Variants in IQCK observed in about 807,000 individuals in gnomAD.
IQCK encodes the protein IQ motif containing K.
Under a neutral mutation model 28.1 loss-of-function variants are expected in IQCK, and 29 were observed. That is an observed-to-expected ratio of 1.03 (90% CI 0.77 to 1.41). IQCK has a LOEUF of 1.41. Among genes scored for constraint, IQCK ranks in the 40% most tolerant of loss-of-function variants. IQCK has a pLI of 0.00. For missense variants in IQCK, 359 were observed against 314.7 expected (o/e 1.14, Z -1.07); for synonymous variants, 113 against 115.1 (o/e 0.98, Z 0.12).
intron 7 of IQCK, among the ~76,000 whole-genome samples, chr16:19,826,252 C>A (rs1194360602): frequency 6.6e-6 from 1 of 152,204 alleles, no homozygotes; most frequent in Non-Finnish European, 1.5e-5. Context: ...GAGCAATCCT[C>A]CTGCCTTGGC....
At chr16:19,797,613 CAAAA>C (rs61289661) in intron 7 of IQCK, among the ~76,000 whole-genome samples, 1 of 45,710 alleles carries the variant, frequency 2.2e-5, no homozygotes, top group Non-Finnish European at 4.4e-5. Flanking sequence ...TGAGGCCTTG[CAAAA>C]AAAAAAAAAA....
chr16:19,724,678 G>A (rs901951983), intron 1 of IQCK, among the ~76,000 whole-genome samples: 6 of 151,958 alleles, frequency 3.9e-5, no homozygotes, highest in African/African-American at 9.7e-5. Flanking sequence ...ACAGGTGCCC[G>A]CCACCACACC....
chr16:19,733,716 A>G (rs1392557209), exon 3 of IQCK: 3 of 1,614,036 alleles, frequency 1.9e-6, no homozygotes, highest in African/African-American at 1.3e-5. Context: ...AGTAGAGGAA[A>G]TGCTTTTTCA....
At chr16:19,846,696 C>G (rs149562624) in intron 9 of IQCK, among the ~76,000 whole-genome samples, 22 of 152,274 alleles carry the variant, frequency 1.4e-4, no homozygotes, top group African/African-American at 5.3e-4. Flanking sequence ...CTGGTACTGT[C>G]AAGAAATGGA....
rs1004406836 is a variant in IQCK at position 19,749,643 on chromosome 16, G to A, written c.474+14193G>A. Among the ~76,000 whole-genome samples the A allele has an allele frequency of 6.6e-5, 10 of 152,226 alleles. No homozygotes were observed. The East Asian group carries it at 1.2e-3, about 18-fold the overall frequency. On this transcript the variant is annotated intron_variant, in intron 4 of 7. Coordinates refer to ENST00000564186, the Ensembl canonical transcript of IQCK. ...TTGCTGGGCACCATGGTGTGCGCCT[G>A]TAGTCCCAGGTACTCAGAAGGCTGA...
At chr16:19,833,091 G>T (rs544297235) in intron 9 of IQCK, among the ~76,000 whole-genome samples, 1 of 152,284 alleles carries the variant, frequency 6.6e-6, no homozygotes, top group East Asian at 1.9e-4. Flanking sequence ...TACGATTTGT[G>T]TGTGTGTATG....
chr16:19,851,282 G>T (rs915618446), intron 9 of IQCK, among the ~76,000 whole-genome samples: 1 of 152,144 alleles, frequency 6.6e-6, no homozygotes. Flanking sequence ...CACTGAGGGG[G>T]AGGGGATACT....
intron 2 of IQCK, among the ~76,000 whole-genome samples, chr16:19,731,108 G>C (rs918171636): frequency 6.6e-6 from 1 of 152,182 alleles, no homozygotes; most frequent in Non-Finnish European, 1.5e-5. Flanking sequence ...TCCTGGATGA[G>C]AAGAGCCTTT....
At position 19,746,609 on chromosome 16, in the gene IQCK, A is replaced by G. The variant is rs199718144; in HGVS notation, c.474+11159A>G. On this transcript the variant is annotated intron_variant, in intron 4 of 7. Coordinates refer to ENST00000564186, the Ensembl canonical transcript of IQCK. ...TAGTCAAGTTTCTTTTTTATTTTTA[A>G]CAAAAGAGCATTGATCACTTCATTT... 3.3e-5 allele frequency among the ~76,000 whole-genome samples: 5 copies of G among 152,344 alleles called. No individual in the cohort carries two copies. In the East Asian group the frequency reaches 7.7e-4, roughly 23 times the overall value.
chr16:19,792,615 A>G (rs1459009835), intron 7 of IQCK, among the ~76,000 whole-genome samples: 1 of 82,440 alleles, frequency 1.2e-5, no homozygotes, highest in Non-Finnish European at 1.9e-5. Context: ...CTTGTTGCCC[A>G]TGCTGGAGTG....
At chr16:19,738,134 A>G (rs978000485) in intron 4 of IQCK, among the ~76,000 whole-genome samples, 15 of 152,322 alleles carry the variant, frequency 9.8e-5, no homozygotes, top group Admixed American at 4.6e-4. Context: ...ATTTATTTTT[A>G]TATCTTTAGT....
chr16:19,775,898 T>TC (rs1491048846), intron 6 of IQCK, among the ~76,000 whole-genome samples: 38 of 113,088 alleles, frequency 3.4e-4, no homozygotes, highest in Non-Finnish European at 4.2e-4. Context: ...TTTTTTTTTT[T>TC]TGAGAAGGAG....
chr16:19,750,730 G>A (rs1268849626), intron 4 of IQCK, among the ~76,000 whole-genome samples: 8 of 152,098 alleles, frequency 5.3e-5, no homozygotes, highest in Non-Finnish European at 7.4e-5. Flanking sequence ...CCAAAGTGCC[G>A]GGATTACAGA....
At chr16:19,753,136 T>G (rs1472282949) in intron 4 of IQCK, among the ~76,000 whole-genome samples, 1 of 151,872 alleles carries the variant, frequency 6.6e-6, no homozygotes, top group Admixed American at 6.6e-5. Context: ...TAATTTGGGC[T>G]GGGCATAGTG....
chr16:19,804,460 C>T (rs2055807348), intron 7 of IQCK, among the ~76,000 whole-genome samples: 2 of 151,854 alleles, frequency 1.3e-5, no homozygotes, highest in South Asian at 4.1e-4. Flanking sequence ...TATTTTGAGA[C>T]AGGGTCTCAC....
chr16:19,738,702 A>G (rs369355500), intron 4 of IQCK, among the ~76,000 whole-genome samples: 31 of 152,314 alleles, frequency 2.0e-4, no homozygotes, highest in African/African-American at 6.7e-4. Flanking sequence ...GAAGAACTCA[A>G]TACATGTTAA....
intron 6 of IQCK, among the ~76,000 whole-genome samples, chr16:19,770,002 G>A (rs976975085): frequency 3.3e-5 from 5 of 152,164 alleles, no homozygotes; most frequent in Non-Finnish European, 7.3e-5. Context: ...CCAGCGAGAA[G>A]AGCAAGTGCA....
At chr16:19,838,632 C>T (rs2056326391) in intron 9 of IQCK, among the ~76,000 whole-genome samples, 1 of 152,284 alleles carries the variant, frequency 6.6e-6, no homozygotes, top group South Asian at 2.1e-4. Flanking sequence ...GATCCGCAAT[C>T]CTCATAGCAG....
chr16:19,771,954 A>G lies in IQCK; in HGVS notation c.605+7842A>G, dbSNP rs542422997. 2.6e-5 allele frequency among the ~76,000 whole-genome samples: 4 copies of G among 152,304 alleles called. No homozygotes were observed. The South Asian group carries it at 8.3e-4, about 32-fold the overall frequency. On this transcript the variant is annotated intron_variant, in intron 6 of 7. Transcript: ENST00000564186. ...AACGAGGGATAAATAGGGATGGCCC[A>G]GCTGATGGCCTGAATTTGTGGTGCA...
Sources: allele counts gnomAD v4.1 joint callset (sites outside exome capture counted in the v4.1 genomes callset), GRCh38; gene constraint gnomAD v4.1.1; transcripts MANE v1.5; gene names NCBI Gene and HGNC (gene_info 2026-07-23, HGNC 2026-07-21).